Variants in ATF7IP2 observed in about 807,000 individuals in gnomAD.
ATF7IP2 encodes activating transcription factor 7-interacting protein 2.
ATF7IP2 carries 42 observed loss-of-function variants against 64.2 expected under a neutral mutation model. The ratio of observed to expected loss-of-function variants is 0.65; its 90% CI spans 0.51 to 0.85. The LOEUF (loss-of-function observed/expected upper bound fraction) is 0.85. ATF7IP2 is among the 40% of genes least tolerant of loss of function. The probability of loss-of-function intolerance (pLI) is 0.00; values close to 1 mark genes in which losing one functional copy is unlikely to be tolerated. For synonymous variants in ATF7IP2, 308 were observed against 272.8 expected (o/e 1.13, Z -1.27); for missense variants, 933 against 784.2 (o/e 1.19, Z -2.27).
chr16:10,470,879 A>G (rs2049776647), intron 9 of ATF7IP2, among the ~76,000 whole-genome samples: 1 of 150,444 alleles, frequency 6.6e-6, no homozygotes, highest in South Asian at 2.1e-4. Flanking sequence ...GTGTGAATAT[A>G]TATATGAAAA....
intron 1 of ATF7IP2, among the ~76,000 whole-genome samples, chr16:10,407,325 C>T (rs1489513177): frequency 1.3e-5 from 2 of 152,138 alleles, no homozygotes; most frequent in African/African-American, 4.8e-5. Context: ...AGATCTGGAA[C>T]ACAACAAGGC....
chr16:10,430,102 A>C (rs1476077370), intron 4 of ATF7IP2, among the ~76,000 whole-genome samples: 4 of 150,980 alleles, frequency 2.6e-5, no homozygotes, highest in African/African-American at 7.3e-5. Context: ...AATCCTTCCA[A>C]CTCGGCCTCC....
intron 1 of ATF7IP2, among the ~76,000 whole-genome samples, chr16:10,393,440 T>G (rs1802944926): frequency 6.6e-6 from 1 of 150,966 alleles, no homozygotes; most frequent in Admixed American, 6.6e-5. Flanking sequence ...AAGCTACAGG[T>G]GGACCCTGAA....
chr16:10,389,684 A>G (rs2047282902), intron 1 of ATF7IP2, among the ~76,000 whole-genome samples: 1 of 152,260 alleles, frequency 6.6e-6, no homozygotes, highest in Non-Finnish European at 1.5e-5. Context: ...TTAAAATTAA[A>G]GTGATTGCCA....
chr16:10,400,974 A>G (rs113102258), intron 1 of ATF7IP2, among the ~76,000 whole-genome samples: 2,806 of 151,934 alleles, frequency 0.018, 75 homozygotes, highest in African/African-American at 0.064. Context: ...AGTGCTGGGA[A>G]TATAGGTATG....
intron 1 of ATF7IP2, among the ~76,000 whole-genome samples, chr16:10,406,463 G>A (rs1413698269): frequency 6.6e-6 from 1 of 152,010 alleles, no homozygotes; most frequent in African/African-American, 2.4e-5. Context: ...CAAGAGCAAA[G>A]CAAACACAAA....
chr16:10,417,999 C>T (rs575914067), intron 2 of ATF7IP2, among the ~76,000 whole-genome samples: 12 of 152,346 alleles, frequency 7.9e-5, no homozygotes, highest in African/African-American at 2.6e-4. Context: ...ATTAAAGACA[C>T]ACACACAGAA....
chr16:10,408,346 G>T (rs1342763038), intron 1 of ATF7IP2, among the ~76,000 whole-genome samples: 1 of 152,088 alleles, frequency 6.6e-6, no homozygotes, highest in East Asian at 1.9e-4. Context: ...TTTCCTCTAG[G>T]TGGATACCCA....
At chr16:10,386,195 C>T (rs920195994) in intron 1 of ATF7IP2, 73 bp downstream of exon 1, 2 of 152,230 alleles carry the variant, frequency 1.3e-5, no homozygotes, top group Non-Finnish European at 2.9e-5. Context: ...GCGTCGGTCG[C>T]CTCTCTGAGG....
intron 8 of ATF7IP2, among the ~76,000 whole-genome samples, chr16:10,442,163 A>G (rs894680838): frequency 6.6e-6 from 1 of 152,210 alleles, no homozygotes; most frequent in Non-Finnish European, 1.5e-5. Flanking sequence ...GGTCAGCTAC[A>G]ACCATGGTAG....
At chr16:10,473,172 A>G (rs553984607) in intron 10 of ATF7IP2, among the ~76,000 whole-genome samples, 2 of 152,336 alleles carry the variant, frequency 1.3e-5, no homozygotes, top group South Asian at 4.1e-4. Flanking sequence ...GTCTAAAAAT[A>G]CTGTGAATTA....
At chr16:10,472,981 A>G (rs527877576) in intron 10 of ATF7IP2, among the ~76,000 whole-genome samples, 1 of 151,926 alleles carries the variant, frequency 6.6e-6, no homozygotes, top group African/African-American at 2.4e-5. Context: ...TTCATTTTCT[A>G]CTATGTTAAA....
chr16:10,398,313 A>AT (rs969885543), intron 1 of ATF7IP2, among the ~76,000 whole-genome samples: 60 of 148,466 alleles, frequency 4.0e-4, no homozygotes, highest in African/African-American at 1.4e-3. Flanking sequence ...CAAAAAAAAA[A>AT]AAATAATAAT....
At chr16:10,444,490 T>A in intron 8 of ATF7IP2, among the ~76,000 whole-genome samples, 1 of 152,262 alleles carries the variant, frequency 6.6e-6, no homozygotes, top group South Asian at 2.1e-4. Flanking sequence ...GCAGTGTTTG[T>A]GCTAAGAGAC....
In ATF7IP2 at chr16:10,457,438, T is replaced by G. The variant is rs1228109064; in HGVS notation, c.1261T>G (p.Ser421Ala). 6.2e-7 allele frequency: 1 copy of G among 1,607,752 alleles called. No individual in the cohort carries two copies. Among genetic ancestry groups the G allele is most frequent in the Non-Finnish European group, 8.5e-7 (1 of 1,177,598 alleles). The change falls in exon 9 of 14, where the codon TCT becomes GCT. Residue 421 changes from serine to alanine, a missense_variant. Transcript: ENST00000562102. ...GTCAGTTAATAGTCCAATTGAAAAG[T>G]CTTCTGTGAATTATGAGCCTTCTAA... ...LESVNSPIEK[S>A]SVNYEPSNPS...
intron 1 of ATF7IP2, among the ~76,000 whole-genome samples, chr16:10,411,507 A>AT (rs1364173407): frequency 6.6e-6 from 1 of 151,924 alleles, no homozygotes; most frequent in African/African-American, 2.4e-5. Context: ...AGTAGCTGGG[A>AT]TTACAGGCGT....
intron 12 of ATF7IP2, among the ~76,000 whole-genome samples, chr16:10,474,308 C>T (rs191976683): frequency 7.4e-5 from 11 of 149,124 alleles, no homozygotes; most frequent in Non-Finnish European, 1.6e-4. Flanking sequence ...TTGACTTCTT[C>T]CGAGGGTCAT....
chr16:10,473,784 G>A (rs1287485506), intron 11 of ATF7IP2, 139 bp from the exon 12 acceptor site: 2 of 639,886 alleles, frequency 3.1e-6, no homozygotes, highest in Non-Finnish European at 5.4e-6. Context: ...AACCACAAGA[G>A]ACTTAGAGAA....
At chr16:10,387,369 C>A (rs2047222685) in intron 1 of ATF7IP2, 1 of 152,250 alleles carries the variant, frequency 6.6e-6, no homozygotes, top group Non-Finnish European at 1.5e-5. Flanking sequence ...AAATTTACTT[C>A]ACTCTCAGTC....
Sources: gnomAD v4.1 joint callset for allele counts (sites outside exome capture counted in the v4.1 genomes callset) on GRCh38, gnomAD v4.1.1 for gene constraint, MANE v1.5 for transcripts, NCBI Gene and HGNC (gene_info 2026-07-23, HGNC 2026-07-21) for gene names.